DIAPH3: variants seen among roughly 807,000 people sequenced by gnomAD.
The protein encoded by DIAPH3 is diaphanous related formin 3, also known as protein diaphanous homolog 3.
DIAPH3 carries 117 observed loss-of-function variants against 144.3 expected under a neutral mutation model. The ratio of observed to expected loss-of-function variants is 0.81; its 90% CI spans 0.70 to 0.95. The LOEUF (loss-of-function observed/expected upper bound fraction) is 0.95, where lower values mean the gene tolerates loss of function less well. DIAPH3 is among the 40% of genes least tolerant of loss of function. The pLI, the probability that DIAPH3 is intolerant of heterozygous loss-of-function variation, is 0.00. For missense variants in DIAPH3, 1,421 were observed against 1,412.7 expected, an observed-to-expected ratio of 1.01 and a Z score of -0.09; for synonymous variants, 519 against 488.9, an observed-to-expected ratio of 1.06 and a Z score of -0.81.
In DIAPH3 at chr13:59,974,367, T is replaced by C; in HGVS notation, c.1635A>G (p.Gln545=). The C allele has an allele frequency of 6.2e-7, 1 of 1,612,596 alleles. No homozygotes were observed. The highest frequency in any genetic ancestry group is 8.5e-7 in the Non-Finnish European group (1 of 1,179,494). ...GGAATTTTACCTGAGACTTAAAAGC[T>C]TGTAGCTCTGCTTGAAGCTCATTAA... The part of the protein sequence containing the change: ...AKINELQAEL[Q]AFKSQFGALP... The change falls in exon 15 of 28, where the codon CAA becomes CAG. Residue 545 remains glutamine, a synonymous_variant. Transcript: ENST00000400324.
At chr13:59,675,560 A>G (rs2032604039) in intron 27 of DIAPH3, among the ~76,000 whole-genome samples, 1 of 151,748 alleles carries the variant, frequency 6.6e-6, no homozygotes, top group African/African-American at 2.4e-5. Context: ...AATTTTTTGT[A>G]TTTTTAGTAG....
chr13:59,708,231 T>TA (rs199742290), intron 27 of DIAPH3, among the ~76,000 whole-genome samples: 175 of 147,038 alleles, frequency 1.2e-3, no homozygotes, highest in African/African-American at 1.9e-3. Context: ...CCAGGCTAAT[T>TA]AAAAAAAAAA....
At position 59,833,151 on chromosome 13, in the gene DIAPH3, CCACAGA is replaced by C. The variant is rs1325282747; in HGVS notation, c.2977_2982del (p.Ser993_Val994del). ...TTATTCAGGTCAGTAAGAAAGTCTTCCACAGACACCTTCTTCACATCAATGGCATAG... is the reference window on the plus strand; with the variant it reads ...TTATTCAGGTCAGTAAGAAAGTCTTCCACCTTCTTCACATCAATGGCATAG... On this transcript the variant is annotated inframe_deletion, in exon 24 of 28. Coordinates refer to ENST00000400324, the MANE Select transcript of DIAPH3 (RefSeq NM_001042517.2). The C allele has an allele frequency of 6.2e-7, 1 of 1,610,746 alleles. No homozygotes were observed. The highest frequency in any genetic ancestry group is 1.1e-5 in the South Asian group (1 of 90,880).
chr13:59,986,882 A>G (rs9538543), intron 12 of DIAPH3, among the ~76,000 whole-genome samples: 27,836 of 134,896 alleles, frequency 0.21, 3,779 homozygotes, highest in Middle Eastern at 0.31. Context: ...TGGTGGGACT[A>G]TAAACTAGTT....
At chr13:59,828,183 C>T (rs1001457956) in intron 24 of DIAPH3, among the ~76,000 whole-genome samples, 1 of 151,956 alleles carries the variant, frequency 6.6e-6, no homozygotes, top group African/African-American at 2.4e-5. Context: ...TCACTCAAGT[C>T]TTACAGTAAG....
In DIAPH3 at chr13:60,057,553, T is replaced by G. The variant is rs879423748; in HGVS notation, c.496-14733A>C. Among the ~76,000 whole-genome samples, 8 of 152,114 alleles carry G rather than the reference T, an allele frequency of 5.3e-5. No homozygotes were observed. The East Asian group carries it at 1.4e-3, about 26-fold the overall frequency. On this transcript the variant is annotated intron_variant, in intron 4 of 27. Coordinates refer to ENST00000400324, the MANE Select transcript of DIAPH3 (RefSeq NM_001042517.2). ...AGAATTAGAAAAAGCATTCCTAAAATTTATATGGAACCAAAAAAGAGCCTG... is the reference window on the plus strand; with the variant it reads ...AGAATTAGAAAAAGCATTCCTAAAAGTTATATGGAACCAAAAAAGAGCCTG...
At chr13:59,854,068 C>T (rs978746253) in intron 22 of DIAPH3, among the ~76,000 whole-genome samples, 1 of 152,104 alleles carries the variant, frequency 6.6e-6, no homozygotes, top group Admixed American at 6.6e-5. Flanking sequence ...CTGTGACTGA[C>T]ATCATCCAAT....
intron 27 of DIAPH3, among the ~76,000 whole-genome samples, chr13:59,736,467 T>A (rs545637729): frequency 4.6e-5 from 7 of 152,320 alleles, no homozygotes; most frequent in African/African-American, 1.7e-4. Flanking sequence ...TTTGGCTTTT[T>A]AATAATAGCT....
intron 1 of DIAPH3, among the ~76,000 whole-genome samples, chr13:60,158,287 C>T (rs1020395248): frequency 1.3e-5 from 2 of 152,204 alleles, no homozygotes; most frequent in African/African-American, 4.8e-5. Context: ...AGAGCAAAGA[C>T]ATCTTTCTCA....
intron 4 of DIAPH3, among the ~76,000 whole-genome samples, chr13:60,089,551 T>C (rs1263204811): frequency 1.3e-5 from 2 of 152,218 alleles, no homozygotes; most frequent in Non-Finnish European, 2.9e-5. Flanking sequence ...TCCAGAATTT[T>C]CTTGTTCTTA....
chr13:59,908,527 C>T (rs1226842518), intron 20 of DIAPH3, among the ~76,000 whole-genome samples: 3 of 151,894 alleles, frequency 2.0e-5, no homozygotes, highest in Admixed American at 2.0e-4. Context: ...ACATAAACAT[C>T]AATATCCTGG....
rs768099789 is a variant in DIAPH3, at chr13:60,042,856, T to G, written c.496-36A>C. 2.9e-4 allele frequency: 472 copies of G among 1,607,940 alleles called. 1 individual carries two copies. Among genetic ancestry groups the G allele is most frequent in the Non-Finnish European group, 4.2e-5 (49 of 1,175,740 alleles). ...AGTCAAAAAATGTTTTGATTAATACTGCATGGAGATTACCCATTAAAAAAT... is the reference window on the plus strand; with the variant it reads ...AGTCAAAAAATGTTTTGATTAATACGGCATGGAGATTACCCATTAAAAAAT... On this transcript the variant is annotated intron_variant, in intron 4 of 27. Transcript: ENST00000400324.
intron 4 of DIAPH3, among the ~76,000 whole-genome samples, chr13:60,047,135 GA>G (rs1404220012): frequency 6.6e-6 from 1 of 151,836 alleles, no homozygotes; most frequent in East Asian, 1.9e-4. Context: ...TTTAAAAAAA[GA>G]AAAAGGAAAT....
intron 1 of DIAPH3, chr13:60,147,260 A>C (rs1951570741): frequency 6.6e-6 from 1 of 152,234 alleles, no homozygotes; most frequent in Admixed American, 6.5e-5. Flanking sequence ...TACAGAGAAA[A>C]GGTCATTTGG....
intron 25 of DIAPH3, among the ~76,000 whole-genome samples, chr13:59,810,283 C>T (rs1025813769): frequency 6.6e-6 from 1 of 152,146 alleles, no homozygotes; most frequent in African/African-American, 2.4e-5. Flanking sequence ...CCTCAACCTC[C>T]CGAGTAGCTG....
chr13:60,132,028 CTA>C (rs1215841354), intron 2 of DIAPH3, among the ~76,000 whole-genome samples: 2 of 152,130 alleles, frequency 1.3e-5, no homozygotes, highest in Admixed American at 1.3e-4. Flanking sequence ...TTACCAATTT[CTA>C]TATGTTAGTA....
intron 27 of DIAPH3, among the ~76,000 whole-genome samples, chr13:59,734,868 T>G (rs557260388): frequency 6.6e-6 from 1 of 152,212 alleles, no homozygotes; most frequent in African/African-American, 2.4e-5. Flanking sequence ...ACATTACCTG[T>G]AAGTAATCCC....
At chr13:59,819,225 A>G (rs190169422) in intron 24 of DIAPH3, among the ~76,000 whole-genome samples, 2 of 152,040 alleles carry the variant, frequency 1.3e-5, no homozygotes, top group Admixed American at 1.3e-4. Context: ...TCACAGGTTT[A>G]TTGTAAACAT....
chr13:60,083,475 TG>T (rs1185652793), intron 4 of DIAPH3, among the ~76,000 whole-genome samples: 1 of 151,822 alleles, frequency 6.6e-6, no homozygotes, highest in Non-Finnish European at 1.5e-5. Flanking sequence ...GGTAAAGAGA[TG>T]AAACCTGAGT....
Sources: gnomAD v4.1 joint callset for allele counts (sites outside exome capture counted in the v4.1 genomes callset) on GRCh38, gnomAD v4.1.1 for gene constraint, MANE v1.5 for transcripts, NCBI Gene and HGNC (gene_info 2026-07-23, HGNC 2026-07-21) for gene names.